The following SCGN variants were observed in gnomAD, a reference collection of about 807,000 sequenced individuals.
SCGN encodes secretagogin, EF-hand calcium binding protein, also known as secretagogin.
A neutral mutation model predicts 39.7 loss-of-function variants in SCGN; 30 were observed. The ratio of observed to expected loss-of-function variants is 0.76; its 90% confidence interval spans 0.57 to 1.03. SCGN has a LOEUF of 1.03. Ranked by LOEUF, SCGN falls within the 50% of genes least tolerant of loss-of-function variation. SCGN has a pLI of 0.00. For synonymous variants in SCGN, 106 were observed against 114.1 expected (o/e 0.93, Z 0.45); for missense variants, 353 against 349.4 (o/e 1.01, Z -0.08).
At chr6:25,652,733 C>T (rs927886214) in intron 1 of SCGN, among the ~76,000 whole-genome samples, 4 of 152,012 alleles carry the variant, frequency 2.6e-5, no homozygotes, top group African/African-American at 9.7e-5. Context: ...TGTGCGAGCG[C>T]GCCATATATA....
chr6:25,677,135 A>G lies in SCGN; in HGVS notation c.472-4816A>G, dbSNP rs189321228. Among the ~76,000 whole-genome samples the G allele has an allele frequency of 3.8e-3, 578 of 151,812 alleles. 7 individuals are homozygous for G. The highest frequency in any genetic ancestry group is 0.024 in the Middle Eastern group (7 of 294). On this transcript the variant is annotated intron_variant, in intron 6 of 10. Coordinates refer to ENST00000377961, the MANE Select transcript of SCGN (RefSeq NM_006998.4). ...TTTGTTCTTACATTTGCTAGTCTAC[A>G]ATGTCTTCCTCTCTTCTCTCTACCT...
At chr6:25,659,519 T>C (rs1323766541) in intron 2 of SCGN, among the ~76,000 whole-genome samples, 3 of 152,230 alleles carry the variant, frequency 2.0e-5, no homozygotes, top group African/African-American at 7.2e-5. Flanking sequence ...CTCAGATTCT[T>C]AGAAAGGGTG....
intron 10 of SCGN, among the ~76,000 whole-genome samples, chr6:25,693,247 C>T (rs1017165633): frequency 4.6e-5 from 7 of 151,782 alleles, no homozygotes; most frequent in Non-Finnish European, 8.8e-5. Context: ...GTCAGGAGAT[C>T]GAGACCATCC....
chr6:25,698,384 C>T (rs748121662), intron 10 of SCGN, among the ~76,000 whole-genome samples: 12 of 152,130 alleles, frequency 7.9e-5, no homozygotes, highest in Non-Finnish European at 1.8e-4. Flanking sequence ...CAAAAACAAA[C>T]TTAGAATAGT....
Position 25,676,307 on chromosome 6 carries a change from C to T in SCGN, c.472-5644C>T, listed in dbSNP as rs79307241. Among the ~76,000 whole-genome samples, 1,431 of 152,232 alleles carry T rather than the reference C, an allele frequency of 9.4e-3. 19 individuals are homozygous for T. The highest frequency in any genetic ancestry group is 0.031 in the African/African-American group (1,280 of 41,542). On this transcript the variant is annotated intron_variant, in intron 6 of 10. Transcript: ENST00000377961. ...CCAGAGTGATCCTGTTATACTGAGTCGGATTATATAATTTTTCATATTGAA... is the reference window on the plus strand; with the variant it reads ...CCAGAGTGATCCTGTTATACTGAGTTGGATTATATAATTTTTCATATTGAA...
At chr6:25,660,075 A>C (rs1373871865) in intron 2 of SCGN, among the ~76,000 whole-genome samples, 1 of 152,248 alleles carries the variant, frequency 6.6e-6, no homozygotes, top group Non-Finnish European at 1.5e-5. Context: ...CCAGCAAGGA[A>C]GCCAGGGGCT....
chr6:25,661,634 G>C lies in SCGN; in HGVS notation c.236G>C (p.Arg79Pro), dbSNP rs773596671. The change falls in exon 3 of 11, where the codon CGG (arginine) becomes CCG (proline). Residue 79 changes from arginine to proline, a missense_variant. Coordinates refer to ENST00000377961, the MANE Select transcript of SCGN (RefSeq NM_006998.4). ...GATGCCTCTAAAGATGGTCGCATTC[G>C]GATGAAAGAGGTAACTTTACTGACA... ...TQDASKDGRI[R>P]MKELAGMFLS... 1 of 1,609,216 alleles carries C rather than the reference G, an allele frequency of 6.2e-7. No individual in the cohort carries two copies. Among genetic ancestry groups the C allele is most frequent in the South Asian group, 1.1e-5 (1 of 90,846 alleles).
intron 10 of SCGN, among the ~76,000 whole-genome samples, chr6:25,698,025 T>C (rs188654585): frequency 4.1e-4 from 62 of 152,342 alleles, no homozygotes; most frequent in Middle Eastern, 3.4e-3. Context: ...TTAATATATT[T>C]AGAGCTCTTA....
intron 10 of SCGN, among the ~76,000 whole-genome samples, chr6:25,693,876 G>A (rs1274072186): frequency 6.6e-6 from 1 of 152,156 alleles, no homozygotes; most frequent in Non-Finnish European, 1.5e-5. Flanking sequence ...CTGCCAATGA[G>A]ACCTTGGGCA....
intron 10 of SCGN, among the ~76,000 whole-genome samples, chr6:25,695,321 T>C (rs1181402121): frequency 6.6e-6 from 1 of 152,190 alleles, no homozygotes; most frequent in African/African-American, 2.4e-5. Flanking sequence ...TATACATCCA[T>C]GAAACCATCA....
intron 6 of SCGN, among the ~76,000 whole-genome samples, chr6:25,671,097 C>T (rs1473435837): frequency 6.6e-6 from 1 of 152,198 alleles, no homozygotes; most frequent in Non-Finnish European, 1.5e-5. Context: ...ATACATATTA[C>T]TGAGAAGAGT....
chr6:25,661,644 G>A lies in SCGN; in HGVS notation c.246G>A (p.Glu82=), dbSNP rs1302994078. 2 of 1,605,508 alleles carry A rather than the reference G, an allele frequency of 1.2e-6. No individual in the cohort carries two copies. Among genetic ancestry groups the A allele is most frequent in the Non-Finnish European group, 1.7e-6 (2 of 1,172,540 alleles). The change falls in exon 3 of 11, where the codon GAG becomes GAA. Residue 82 remains glutamate (E), a splice_region_variant and synonymous_variant. Transcript: ENST00000377961. ...ASKDGRIRMK[E]LAGMFLSEDE... is the part of the protein sequence containing the mutation. ...AAGATGGTCGCATTCGGATGAAAGA[G>A]GTAACTTTACTGACAGTATTTTTCA...
intron 2 of SCGN, among the ~76,000 whole-genome samples, chr6:25,656,396 G>A (rs890027591): frequency 6.6e-6 from 1 of 152,192 alleles, no homozygotes; most frequent in African/African-American, 2.4e-5. Context: ...CTGCCTGCTA[G>A]TCTATCCAGG....
intron 10 of SCGN, among the ~76,000 whole-genome samples, chr6:25,692,422 C>T (rs994823486): frequency 6.7e-6 from 1 of 150,348 alleles, no homozygotes; most frequent in Non-Finnish European, 1.5e-5. Context: ...AGTGTAGAGC[C>T]TGGGGGCTTT....
intron 4 of SCGN, among the ~76,000 whole-genome samples, chr6:25,665,838 T>C (rs1760415011): frequency 1.3e-5 from 1 of 79,010 alleles, no homozygotes; most frequent in African/African-American, 5.2e-5. Context: ...AGAAAATGAT[T>C]TTTTTTTAAG....
intron 6 of SCGN, among the ~76,000 whole-genome samples, chr6:25,671,556 T>C (rs1460079780): frequency 6.6e-6 from 1 of 152,196 alleles, no homozygotes; most frequent in Non-Finnish European, 1.5e-5. Flanking sequence ...TTAAGGAAAT[T>C]ATTCAGCTTC....
At position 25,684,714 on chromosome 6, in the gene SCGN, G is replaced by A. The variant is rs961808116; in HGVS notation, c.527+2708G>A. Among the ~76,000 whole-genome samples, 4 of 152,262 alleles carry A rather than the reference G, an allele frequency of 2.6e-5. No individual in the cohort carries two copies. In the East Asian group the frequency reaches 5.8e-4, roughly 22 times the overall value. On this transcript the variant is annotated intron_variant, in intron 7 of 10. Coordinates refer to ENST00000377961, the MANE Select transcript of SCGN (RefSeq NM_006998.4). ...AGTTCCAGCTCTTCAAGAGGCTCAG[G>A]CAGGAGAATCGCTTGAACTCAGGAG...
At chr6:25,694,557 A>C (rs1206608339) in intron 10 of SCGN, among the ~76,000 whole-genome samples, 1 of 152,226 alleles carries the variant, frequency 6.6e-6, no homozygotes, top group Non-Finnish European at 1.5e-5. Flanking sequence ...AGCCAATTTG[A>C]GACAGAGCTA....
chr6:25,684,434 A>T (rs1759677911), intron 7 of SCGN, among the ~76,000 whole-genome samples: 1 of 152,184 alleles, frequency 6.6e-6, no homozygotes, highest in Non-Finnish European at 1.5e-5. Flanking sequence ...AGGGGGTGCC[A>T]AGTGTATTTC....
Sources: allele counts gnomAD v4.1 joint callset (sites outside exome capture counted in the v4.1 genomes callset), GRCh38; gene constraint gnomAD v4.1.1; transcripts MANE v1.5; gene names NCBI Gene and HGNC (gene_info 2026-07-23, HGNC 2026-07-21).